The following PLD5 variants were observed in gnomAD, a reference collection of about 807,000 sequenced individuals.
The protein encoded by PLD5 is inactive phospholipase D5.
PLD5 carries 36 observed loss-of-function variants against 61.1 expected under a neutral mutation model. That is an observed-to-expected ratio of 0.59 (90% CI 0.45 to 0.78). The LOEUF is 0.78. Among genes scored for constraint, PLD5 ranks in the 30% least tolerant of loss-of-function variants. The pLI, the probability that PLD5 is intolerant of heterozygous loss-of-function variation, is 0.00. For synonymous variants in PLD5, 243 were observed against 242.8 expected, an observed-to-expected ratio of 1.00 and a Z score of -0.01; for missense variants, 515 against 644.4, an observed-to-expected ratio of 0.80 and a Z score of 2.17.
chr1:242,448,622 G>T (rs1666648427), intron 1 of PLD5, among the ~76,000 whole-genome samples: 1 of 152,126 alleles, frequency 6.6e-6, no homozygotes, highest in Non-Finnish European at 1.5e-5. Flanking sequence ...GGAGACACTT[G>T]GAAAAGACAT....
intron 3 of PLD5, among the ~76,000 whole-genome samples, chr1:242,279,510 C>A (rs1414382969): frequency 6.6e-6 from 1 of 151,940 alleles, no homozygotes; most frequent in East Asian, 1.9e-4. Flanking sequence ...GGGAGTCTAC[C>A]TGAAAAATAT....
chr1:242,253,696 T>TA (rs1672850406), intron 4 of PLD5, among the ~76,000 whole-genome samples: 2 of 152,176 alleles, frequency 1.3e-5, no homozygotes, highest in African/African-American at 2.4e-5. Context: ...ATGAAACAGA[T>TA]AAAATTCTGC....
At chr1:242,138,050 G>A (rs1401631941) in intron 5 of PLD5, among the ~76,000 whole-genome samples, 2 of 152,130 alleles carry the variant, frequency 1.3e-5, no homozygotes, top group Admixed American at 1.3e-4. Flanking sequence ...AGAACAATGT[G>A]TGCATACCAC....
chr1:242,163,923 G>A (rs72761263), intron 5 of PLD5, among the ~76,000 whole-genome samples: 39,110 of 148,154 alleles, frequency 0.26, 5,326 homozygotes, highest in South Asian at 0.35. Flanking sequence ...GTGTGTGTGT[G>A]TATATATATA....
At chr1:242,344,477 T>C (rs1248127171) in intron 2 of PLD5, among the ~76,000 whole-genome samples, 2 of 152,302 alleles carry the variant, frequency 1.3e-5, no homozygotes, top group Non-Finnish European at 2.9e-5. Context: ...TCATGATAGA[T>C]TCGAGATAAG....
chr1:242,424,470 A>C (rs901300101), intron 1 of PLD5, among the ~76,000 whole-genome samples: 1 of 152,150 alleles, frequency 6.6e-6, no homozygotes. Context: ...CTGAAATTTC[A>C]TATGTGTAAA....
At chr1:242,356,623 C>T (rs1249877394) in intron 1 of PLD5, among the ~76,000 whole-genome samples, 1 of 151,162 alleles carries the variant, frequency 6.6e-6, no homozygotes, top group African/African-American at 2.4e-5. Flanking sequence ...TTTGTAGTTA[C>T]TTTCTTTCTT....
chr1:242,454,574 C>T (rs1666889658), intron 1 of PLD5, among the ~76,000 whole-genome samples: 1 of 152,120 alleles, frequency 6.6e-6, no homozygotes, highest in Admixed American at 6.5e-5. Context: ...AAAAGAGACA[C>T]AGGGGAAAAC....
intron 1 of PLD5, among the ~76,000 whole-genome samples, chr1:242,391,302 A>T (rs901372641): frequency 2.0e-5 from 3 of 152,236 alleles, no homozygotes; most frequent in Non-Finnish European, 4.4e-5. Context: ...GCAGTTTAGT[A>T]TGGGAGTTCA....
chr1:242,374,106 G>A (rs1661812328), intron 1 of PLD5, among the ~76,000 whole-genome samples: 1 of 152,118 alleles, frequency 6.6e-6, no homozygotes, highest in Non-Finnish European at 1.5e-5. Context: ...AAAGGTCTGT[G>A]GAGTTGCTGT....
chr1:242,505,887 AGTGC>A (rs1239063411), intron 1 of PLD5, among the ~76,000 whole-genome samples: 4 of 152,278 alleles, frequency 2.6e-5, no homozygotes, highest in African/African-American at 9.6e-5. Flanking sequence ...TAATAAAAGC[AGTGC>A]AAGCACAAGT....
At chr1:242,377,137 G>A in intron 1 of PLD5, 2 of 1,611,778 alleles carry the variant, frequency 1.2e-6, no homozygotes, top group East Asian at 2.2e-5. Flanking sequence ...ACTGGCTGAG[G>A]TTCCTTTAAC....
At chr1:242,215,178 G>A (rs971909192) in intron 5 of PLD5, among the ~76,000 whole-genome samples, 5 of 149,696 alleles carry the variant, frequency 3.3e-5, no homozygotes, top group Admixed American at 7.0e-5. Flanking sequence ...GTGAGCCACC[G>A]TGCCCAGCCT....
chr1:242,232,283 T>C (rs1671358021), intron 4 of PLD5, among the ~76,000 whole-genome samples: 1 of 152,144 alleles, frequency 6.6e-6, no homozygotes, highest in Non-Finnish European at 1.5e-5. Context: ...CACCAGATAT[T>C]TTAATAGTAA....
chr1:242,434,420 G>A (rs1246927278), intron 1 of PLD5, among the ~76,000 whole-genome samples: 1 of 152,168 alleles, frequency 6.6e-6, no homozygotes. Flanking sequence ...TAGACAAGGT[G>A]GGTTTGATAT....
At chr1:242,125,710 C>A (rs1031431657) in intron 5 of PLD5, among the ~76,000 whole-genome samples, 4 of 152,148 alleles carry the variant, frequency 2.6e-5, no homozygotes, top group Admixed American at 1.3e-4. Context: ...TGATAGTAAA[C>A]TCCCTTTTTA....
intron 5 of PLD5, among the ~76,000 whole-genome samples, chr1:242,207,949 T>TA (rs1491374755): frequency 3.2e-5 from 2 of 61,830 alleles, no homozygotes; most frequent in African/African-American, 6.4e-5. Context: ...TTTATATATA[T>TA]TTATTTATAT....
chr1:242,247,335 C>G (rs1288149690), intron 4 of PLD5, among the ~76,000 whole-genome samples: 2 of 152,140 alleles, frequency 1.3e-5, no homozygotes. Context: ...TGTGTGAAAC[C>G]TTGACGTCAG....
At chr1:242,448,546 A>G (rs2102920031) in intron 1 of PLD5, among the ~76,000 whole-genome samples, 1 of 152,246 alleles carries the variant, frequency 6.6e-6, no homozygotes, top group African/African-American at 2.4e-5. Context: ...TAGTGGCCCC[A>G]TTGTTGCAAG....
Sources: allele counts gnomAD v4.1 joint callset (sites outside exome capture counted in the v4.1 genomes callset), GRCh38; gene constraint gnomAD v4.1.1; transcripts MANE v1.5; gene names NCBI Gene and HGNC (gene_info 2026-07-23, HGNC 2026-07-21).